Variants in ADSS2 observed in about 807,000 individuals in gnomAD.
ADSS2 encodes adenylosuccinate synthetase isozyme 2.
In ADSS2, 30 loss-of-function variants were observed where a neutral mutation model predicts 60.0. The observed-to-expected ratio is 0.50, with a 90% CI of 0.37 to 0.68. ADSS2 has a LOEUF of 0.68. Ranked by LOEUF, ADSS2 falls within the 30% of genes least tolerant of loss-of-function variation. The probability of loss-of-function intolerance (pLI) is 0.00; values close to 1 mark genes in which losing one functional copy is unlikely to be tolerated. For synonymous variants in ADSS2, 187 were observed against 193.1 expected (o/e 0.97, Z 0.26); for missense variants, 373 against 554.8 (o/e 0.67, Z 3.29).
At chr1:244,413,913 C>A (rs1467746310) in intron 11 of ADSS2, among the ~76,000 whole-genome samples, 1 of 152,154 alleles carries the variant, frequency 6.6e-6, no homozygotes, top group Non-Finnish European at 1.5e-5. Context: ...ATAAAAGCCA[C>A]GCCCTTGAGT....
At chr1:244,422,813 T>C (rs1664706504) in intron 7 of ADSS2, 22 bp downstream of exon 7, 1 of 1,543,260 alleles carries the variant, frequency 6.5e-7, no homozygotes, top group Middle Eastern at 1.7e-4. Flanking sequence ...AAAAGAACAT[T>C]AAAGATGCCA....
At chr1:244,449,441 A>C (rs969246142) in intron 1 of ADSS2, among the ~76,000 whole-genome samples, 2 of 152,222 alleles carry the variant, frequency 1.3e-5, no homozygotes, top group African/African-American at 4.8e-5. Flanking sequence ...CAAACAAGGC[A>C]ATCCAAGCTC....
intron 10 of ADSS2, among the ~76,000 whole-genome samples, chr1:244,417,205 G>T (rs189619654): frequency 6.6e-6 from 1 of 152,278 alleles, no homozygotes; most frequent in Admixed American, 6.5e-5. Context: ...GGCAGAGGAT[G>T]ATTAACTTGC....
In ADSS2 at chr1:244,409,125, CA is replaced by C. The variant is rs953552360; in HGVS notation, c.*460del. Reference sequence around the variant, plus strand: ...GTTTACAGAACCCCTATGTTTTCATCATTTGTTTCTAACAACAAAGATTACA... The same window carrying C: ...GTTTACAGAACCCCTATGTTTTCATCTTTGTTTCTAACAACAAAGATTACA... On this transcript the variant is annotated 3_prime_UTR_variant, in exon 13 of 13. Transcript: ENST00000366535. 1 of 152,852 alleles carries C rather than the reference CA, an allele frequency of 6.5e-6. No homozygotes were observed. The highest frequency in any genetic ancestry group is 1.5e-5 in the Non-Finnish European group (1 of 68,230). 9.5% of individuals were successfully genotyped at this position (152,852 alleles called of 1,614,324 possible).
chr1:244,428,523 G>GGAGA (rs912238781), intron 4 of ADSS2, among the ~76,000 whole-genome samples: 1 of 151,212 alleles, frequency 6.6e-6, no homozygotes, highest in Non-Finnish European at 1.5e-5. Context: ...AGGAAGGGAG[G>GGAGA]GAGAGAGAGA....
chr1:244,410,824 A>C (rs1193021549), intron 12 of ADSS2, among the ~76,000 whole-genome samples: 1 of 152,236 alleles, frequency 6.6e-6, no homozygotes, highest in Non-Finnish European at 1.5e-5. Flanking sequence ...TAAGGAATAA[A>C]AATATTACTT....
chr1:244,416,387 G>A (rs541614650), intron 10 of ADSS2, among the ~76,000 whole-genome samples: 1 of 152,198 alleles, frequency 6.6e-6, no homozygotes, highest in East Asian at 1.9e-4. Flanking sequence ...GCACAAACAC[G>A]GTTCACTGCA....
chr1:244,423,211 CTT>C (rs1318842546), intron 6 of ADSS2, among the ~76,000 whole-genome samples: 1 of 151,964 alleles, frequency 6.6e-6, no homozygotes, highest in East Asian at 1.9e-4. Context: ...ACACAAAAGA[CTT>C]AAATCTGAAT....
At position 244,417,841 on chromosome 1, in the gene ADSS2, TC is replaced by T. The variant is rs1022882405; in HGVS notation, c.946-90del. The T allele has an allele frequency of 2.2e-5, 27 of 1,250,602 alleles. No homozygotes were observed. In the African/African-American group the frequency reaches 2.9e-4, roughly 13 times the overall value. The allele number at this position is 1,250,602 out of a possible 1,614,324, so 77.5% of individuals were successfully genotyped here. On this transcript the variant is annotated intron_variant, in intron 9 of 12. Transcript: ENST00000366535. ...ATATGCTAGAGATCATAGCAAAGCC[TC>T]TTTGAGATAAACATCTTTCAGGTAA...
At chr1:244,439,685 T>C (rs1041575021) in intron 1 of ADSS2, among the ~76,000 whole-genome samples, 1 of 152,136 alleles carries the variant, frequency 6.6e-6, no homozygotes, top group Admixed American at 6.5e-5. Context: ...GCCCCCCAAG[T>C]CCACTGGCTC....
intron 10 of ADSS2, among the ~76,000 whole-genome samples, chr1:244,416,523 T>C (rs1426393852): frequency 6.6e-6 from 1 of 152,152 alleles, no homozygotes; most frequent in Non-Finnish European, 1.5e-5. Context: ...TCTCACCAGG[T>C]TGCCCAGGCT....
At chr1:244,417,057 CAACTT>C (rs965692957) in intron 10 of ADSS2, among the ~76,000 whole-genome samples, 2 of 152,186 alleles carry the variant, frequency 1.3e-5, no homozygotes, top group Admixed American at 1.3e-4. Context: ...GTATTAATAA[CAACTT>C]AACTTTCCCT....
intron 11 of ADSS2, among the ~76,000 whole-genome samples, chr1:244,412,387 G>C (rs922286984): frequency 6.6e-6 from 1 of 152,198 alleles, no homozygotes; most frequent in African/African-American, 2.4e-5. Context: ...CTGGCACCAG[G>C]AATGGTTAGA....
At chr1:244,444,281 C>T (rs980951942) in intron 1 of ADSS2, among the ~76,000 whole-genome samples, 9 of 151,222 alleles carry the variant, frequency 6.0e-5, no homozygotes, top group African/African-American at 1.5e-4. Context: ...TTTGGGAGGC[C>T]GAGGCGGGCG....
At chr1:244,436,026 G>C (rs539299122) in intron 3 of ADSS2, among the ~76,000 whole-genome samples, 1 of 152,296 alleles carries the variant, frequency 6.6e-6, no homozygotes, top group East Asian at 1.9e-4. Context: ...GCATGGAAAA[G>C]ATATATGAAA....
chr1:244,439,987 C>A (rs1368526818), intron 1 of ADSS2, among the ~76,000 whole-genome samples: 1 of 152,170 alleles, frequency 6.6e-6, no homozygotes, highest in African/African-American at 2.4e-5. Context: ...CCTCGAAGCA[C>A]ACAGATTCTC....
intron 1 of ADSS2, among the ~76,000 whole-genome samples, chr1:244,439,250 G>T (rs775786236): frequency 6.6e-6 from 1 of 152,140 alleles, no homozygotes; most frequent in African/African-American, 2.4e-5. Flanking sequence ...TGGTTGAATA[G>T]TACTCCACTT....
chr1:244,424,482 A>G, intron 4 of ADSS2, 95 bp from the exon 5 acceptor site: 1 of 990,610 alleles, frequency 1.0e-6, no homozygotes, highest in East Asian at 2.5e-5. Context: ...AAATCCCTTC[A>G]GCCTCATTTC....
At chr1:244,424,777 C>A in intron 4 of ADSS2, 1 of 190,974 alleles carries the variant, frequency 5.2e-6, no homozygotes, top group Non-Finnish European at 1.1e-5. Context: ...CATCACCTCT[C>A]ACCAAAACTG....
Sources: gnomAD v4.1 joint callset for allele counts (sites outside exome capture counted in the v4.1 genomes callset) on GRCh38, gnomAD v4.1.1 for gene constraint, MANE v1.5 for transcripts, NCBI Gene and HGNC (gene_info 2026-07-23, HGNC 2026-07-21) for gene names.